SPHK1: variants seen among roughly 807,000 people sequenced by gnomAD.
The protein encoded by SPHK1 is SK 1.
In SPHK1, 10 loss-of-function variants were observed where a neutral mutation model predicts 14.6. The observed-to-expected ratio is 0.68, with a 90% CI of 0.42 to 1.16. The LOEUF (loss-of-function observed/expected upper bound fraction) is 1.16, where lower values mean the gene tolerates loss of function less well. Ranked by LOEUF, SPHK1 falls within the 50% of genes most tolerant of loss-of-function variation. SPHK1 has a pLI of 0.00. For synonymous variants in SPHK1, 274 were observed against 224.0 expected, an observed-to-expected ratio of 1.22 and a Z score of -1.99; for missense variants, 553 against 525.4, an observed-to-expected ratio of 1.05 and a Z score of -0.51.
Position 76,385,795 on chromosome 17 carries a change from C to G in SPHK1, c.10+141C>G. On this transcript the variant is annotated intron_variant, in intron 2 of 5. Transcript: ENST00000592299. The surrounding 1 kb of genome is among the most constrained non-coding windows in gnomAD (Gnocchi z 5.3). Reference sequence around the variant, plus strand: ...TCACGAGGCCAGAAGCCGGCCGAATCTGAGCCAAGGAAGGGGGTGGCAGGG... The same window carrying G: ...TCACGAGGCCAGAAGCCGGCCGAATGTGAGCCAAGGAAGGGGGTGGCAGGG... 2 of 1,426,724 alleles carry G rather than the reference C, an allele frequency of 1.4e-6. No homozygotes were observed. Among genetic ancestry groups the G allele is most frequent in the African/African-American group, 2.8e-5 (2 of 71,140 alleles). The allele number at this position is 1,426,724 out of a possible 1,614,324, so 88.4% of individuals were successfully genotyped here. A position where few individuals can be genotyped will look rare whatever the true frequency, so the allele number is the denominator to read the frequency against.
rs2072000979 is a variant in SPHK1, at chr17:76,387,055, C to A, written c.624C>A (p.Gly208=). 9.9e-6 allele frequency: 16 copies of A among 1,613,546 alleles called. No individual in the cohort carries two copies. The East Asian group carries it at 1.8e-4, about 18-fold the overall frequency. ...LRLAALRTYR[G]RLAYLPVGRV... ...TGGCAGCCCTGCGCACCTACCGCGG[C>A]CGACTGGCCTACCTCCCTGTAGGAA... The change falls in exon 6 of 6, where the codon GGC becomes GGA. Residue 208 remains glycine (G), a synonymous_variant. Transcript: ENST00000592299. This position sits in a 1 kb window ranked among gnomAD's most constrained non-coding sequence, Gnocchi z 4.1.
Position 76,385,331 on chromosome 17 carries a change from A to T in SPHK1, c.-194-120A>T. The T allele has an allele frequency of 6.9e-7, 1 of 1,452,786 alleles. No homozygotes were observed. The allele number at this position is 1,452,786 out of a possible 1,614,324, so 90.0% of individuals were successfully genotyped here. ...GGCGCCCTCGGAGGCACCGGACCTC[A>T]GCTCTCTGGACTTCCCGGGAACCTG... On this transcript the variant is annotated intron_variant, in intron 1 of 5. Transcript: ENST00000592299. This position sits in a 1 kb window ranked among gnomAD's most constrained non-coding sequence, Gnocchi z 5.3.
rs766665436 is a variant in SPHK1 at position 76,385,948 on chromosome 17, G to T, written c.11-37G>T. Reference sequence around the variant, plus strand: ...TGTTACCCGTGGCCCCCTAGTGGTCGGTTGCGGACGTGGCCTCTTTGGTTT... The same window carrying T: ...TGTTACCCGTGGCCCCCTAGTGGTCTGTTGCGGACGTGGCCTCTTTGGTTT... On this transcript the variant is annotated intron_variant, in intron 2 of 5. Coordinates refer to ENST00000592299, the MANE Select transcript of SPHK1 (RefSeq NM_001142601.2). This position sits in a 1 kb window ranked among gnomAD's most constrained non-coding sequence, Gnocchi z 5.3. The T allele has an allele frequency of 3.2e-6, 5 of 1,569,884 alleles. No individual in the cohort carries two copies. The highest frequency in any genetic ancestry group is 4.3e-6 in the Non-Finnish European group (5 of 1,155,512).
Position 76,386,973 on chromosome 17 carries a change from G to C in SPHK1, c.542G>C (p.Ser181Thr). ...WGFIADVDLE[S>T]EKYRRLGEMR... ...TTCATTGCTGATGTGGACCTAGAGA[G>C]TGAGAAGTATCGGCGTCTGGGGGAG... The change falls in exon 6 of 6, where the codon AGT becomes ACT. Residue 181 changes from serine (S) to threonine (T), a missense_variant. Ser to Thr is a moderately conservative substitution (Grantham distance 58). Coordinates refer to ENST00000592299, the MANE Select transcript of SPHK1 (RefSeq NM_001142601.2). The surrounding 1 kb of genome is among the most constrained non-coding windows in gnomAD (Gnocchi z 5.3). 1 of 1,613,678 alleles carries C rather than the reference G, an allele frequency of 6.2e-7. No homozygotes were observed. The highest frequency in any genetic ancestry group is 1.3e-5 in the African/African-American group (1 of 75,052).
At chr17:76,384,266 T>C (rs1359027342), upstream of SPHK1, 1 of 151,858 alleles carries the variant, frequency 6.6e-6, no homozygotes, top group Non-Finnish European at 1.5e-5. Context: ...CGACACGAGT[T>C]CGCGCGGAGC....
upstream of SPHK1, chr17:76,384,583 G>C (rs1411852726): frequency 6.6e-6 from 1 of 151,782 alleles, no homozygotes; most frequent in Non-Finnish European, 1.5e-5. Context: ...GGAGCGCGGG[G>C]CGGAGCCAGG....
At position 76,385,660 on chromosome 17, in the gene SPHK1, T is replaced by TG. The variant is rs1417119604; in HGVS notation, c.10+10dup. 5.2e-6 allele frequency: 8 copies of TG among 1,534,726 alleles called. No individual in the cohort carries two copies. The highest frequency in any genetic ancestry group is 7.0e-6 in the Non-Finnish European group (8 of 1,145,592). On this transcript the variant is annotated splice_region_variant and intron_variant, in intron 2 of 5. Coordinates refer to ENST00000592299, the MANE Select transcript of SPHK1 (RefSeq NM_001142601.2). The surrounding 1 kb of genome is among the most constrained non-coding windows in gnomAD (Gnocchi z 5.3). ...GGTCGAGGTTATGGATCCAGGTTTGTGGGGTTCCTGCTGGGAAGGGCTGTA... is the reference window on the plus strand; with the variant it reads ...GGTCGAGGTTATGGATCCAGGTTTGTGGGGGTTCCTGCTGGGAAGGGCTGTA...
chr17:76,387,735 G>A lies in SPHK1; in HGVS notation c.*149G>A. On this transcript the variant is annotated 3_prime_UTR_variant, in exon 6 of 6. Transcript: ENST00000592299. This position sits in a 1 kb window ranked among gnomAD's most constrained non-coding sequence, Gnocchi z 4.1. ...TGGAGGCTATGCTTTGGGGGGACAGGCCAGAATGAAGTCCTGGGTCAGGAG... is the reference window on the plus strand; with the variant it reads ...TGGAGGCTATGCTTTGGGGGGACAGACCAGAATGAAGTCCTGGGTCAGGAG... The A allele has an allele frequency of 1.0e-6, 1 of 966,318 alleles. No individual in the cohort carries two copies. The highest frequency in any genetic ancestry group is 1.5e-6 in the Non-Finnish European group (1 of 679,452). The allele number at this position is 966,318 out of a possible 1,614,324, so 59.9% of individuals were successfully genotyped here. A position where few individuals can be genotyped will look rare whatever the true frequency, so the allele number is the denominator to read the frequency against.
At position 76,385,773 on chromosome 17, in the gene SPHK1, C is replaced by A. The variant is rs570969878; in HGVS notation, c.10+119C>A. ...CGATCGGGAGAAACATTATCCCTCA[C>A]GAGGCCAGAAGCCGGCCGAATCTGA... On this transcript the variant is annotated intron_variant, in intron 2 of 5. Transcript: ENST00000592299. This position sits in a 1 kb window ranked among gnomAD's most constrained non-coding sequence, Gnocchi z 5.3. The A allele has an allele frequency of 7.0e-7, 1 of 1,421,648 alleles. No individual in the cohort carries two copies. Among genetic ancestry groups the A allele is most frequent in the African/African-American group, 1.4e-5 (1 of 70,974 alleles). The allele number at this position is 1,421,648 out of a possible 1,614,324, so 88.1% of individuals were successfully genotyped here. A position where few individuals can be genotyped will look rare whatever the true frequency, so the allele number is the denominator to read the frequency against.
In SPHK1 at chr17:76,385,951, T is replaced by G. The variant is rs1432986375; in HGVS notation, c.11-34T>G. 4 of 1,575,240 alleles carry G rather than the reference T, an allele frequency of 2.5e-6. No homozygotes were observed. Among genetic ancestry groups the G allele is most frequent in the Non-Finnish European group, 3.5e-6 (4 of 1,158,062 alleles). ...TACCCGTGGCCCCCTAGTGGTCGGT[T>G]GCGGACGTGGCCTCTTTGGTTTTGT... On this transcript the variant is annotated intron_variant, in intron 2 of 5. Transcript: ENST00000592299. The surrounding 1 kb of genome is among the most constrained non-coding windows in gnomAD (Gnocchi z 5.3).
chr17:76,387,664 GCTC>G lies in SPHK1; in HGVS notation c.*81_*83del. The G allele has an allele frequency of 6.9e-7, 1 of 1,440,848 alleles. No homozygotes were observed. Among genetic ancestry groups the G allele is most frequent in the Non-Finnish European group, 9.2e-7 (1 of 1,081,538 alleles). 89.3% of individuals were successfully genotyped at this position (1,440,848 alleles called of 1,614,324 possible). On this transcript the variant is annotated 3_prime_UTR_variant, in exon 6 of 6. Transcript: ENST00000592299. The surrounding 1 kb of genome is among the most constrained non-coding windows in gnomAD (Gnocchi z 4.1). ...CCTAGGGCTGCAGGGCCTGTCCACA[GCTC>G]CTGTGGGGGTGGAGGAGACTCCTCT... is the stretch of plus-strand genomic sequence containing the variant.
In SPHK1 at chr17:76,387,658, T is replaced by C. The variant is rs538029728; in HGVS notation, c.*72T>C. 33 of 1,463,722 alleles carry C rather than the reference T, an allele frequency of 2.3e-5. No individual in the cohort carries two copies. The Admixed American group carries it at 5.2e-4, about 23-fold the overall frequency. 90.7% of individuals were successfully genotyped at this position (1,463,722 alleles called of 1,614,324 possible). A position where few individuals can be genotyped will look rare whatever the true frequency, so the allele number is the denominator to read the frequency against. On this transcript the variant is annotated 3_prime_UTR_variant, in exon 6 of 6. Coordinates refer to ENST00000592299, the MANE Select transcript of SPHK1 (RefSeq NM_001142601.2). This position sits in a 1 kb window ranked among gnomAD's most constrained non-coding sequence, Gnocchi z 4.1. ...TCCTTCCCTAGGGCTGCAGGGCCTG[T>C]CCACAGCTCCTGTGGGGGTGGAGGA...
chr17:76,386,684 A>G lies in SPHK1; in HGVS notation c.375-122A>G. 1.6e-6 allele frequency: 2 copies of G among 1,263,040 alleles called. No individual in the cohort carries two copies. Among genetic ancestry groups the G allele is most frequent in the Non-Finnish European group, 2.2e-6 (2 of 918,658 alleles). The allele number at this position is 1,263,040 out of a possible 1,614,324, so 78.2% of individuals were successfully genotyped here. ...CTTCCATTTGCTCCATCTGTCACCT[A>G]CCAGTCCTGCCAACTCCCCAGGGAC... On this transcript the variant is annotated intron_variant, in intron 5 of 5. Transcript: ENST00000592299. This position sits in a 1 kb window ranked among gnomAD's most constrained non-coding sequence, Gnocchi z 5.3.
rs2071982454 is a variant in SPHK1, at chr17:76,386,338, A to T, written c.258+23A>T. 1.0e-5 allele frequency: 16 copies of T among 1,606,118 alleles called. No individual in the cohort carries two copies. In the East Asian group the frequency reaches 3.6e-4, roughly 36 times the overall value. On this transcript the variant is annotated intron_variant, in intron 4 of 5. Transcript: ENST00000592299. This position sits in a 1 kb window ranked among gnomAD's most constrained non-coding sequence, Gnocchi z 5.3. ...GAGGTGAGGACCGCACTGCGCGGCT[A>T]GGCCTGGGGCTTGGCGCGGTGCGTC...
chr17:76,386,325 G>T lies in SPHK1; in HGVS notation c.258+10G>T, dbSNP rs1205565274. 2.5e-6 allele frequency: 4 copies of T among 1,605,336 alleles called. No individual in the cohort carries two copies. Among genetic ancestry groups the T allele is most frequent in the Non-Finnish European group, 2.5e-6 (3 of 1,177,968 alleles). On this transcript the variant is annotated intron_variant, in intron 4 of 5. Transcript: ENST00000592299. This position sits in a 1 kb window ranked among gnomAD's most constrained non-coding sequence, Gnocchi z 5.3. ...CGGGCTGATGCACGAGGTGAGGACC[G>T]CACTGCGCGGCTAGGCCTGGGGCTT...
At position 76,385,160 on chromosome 17, in the gene SPHK1, G is replaced by A. The variant is rs868749723; in HGVS notation, c.-194-291G>A. On this transcript the variant is annotated intron_variant, in intron 1 of 5. Transcript: ENST00000592299. This position sits in a 1 kb window ranked among gnomAD's most constrained non-coding sequence, Gnocchi z 5.3. Reference sequence around the variant, plus strand: ...CAGCTGGACTCCCCTCCCCCTGGCAGCCCCGAGGGGTGAGGAGCTAGTCCG... The same window carrying A: ...CAGCTGGACTCCCCTCCCCCTGGCAACCCCGAGGGGTGAGGAGCTAGTCCG... 20 of 1,594,140 alleles carry A rather than the reference G, an allele frequency of 1.3e-5. No individual in the cohort carries two copies. The highest frequency in any genetic ancestry group is 2.7e-5 in the African/African-American group (2 of 74,702).
At chr17:76,383,827 G>T (rs2071910406), upstream of SPHK1, 3 of 1,286,762 alleles carry the variant, frequency 2.3e-6, no homozygotes, top group Non-Finnish European at 3.0e-6. Flanking sequence ...CTGAGCCAGA[G>T]GGGGCGGGGG....
Position 76,387,490 on chromosome 17 carries a change from GGT to G in SPHK1, c.1061_1062del (p.Val354AlafsTer84). On this transcript the variant is annotated frameshift_variant, in exon 6 of 6. Coordinates refer to ENST00000592299, the MANE Select transcript of SPHK1 (RefSeq NM_001142601.2). LOFTEE classifies it low-confidence loss of function (END_TRUNC). The surrounding 1 kb of genome is among the most constrained non-coding windows in gnomAD (Gnocchi z 4.1). ...LMVSEAVQGQ[V>X]HPNYFWMVSG... Reference sequence around the variant, plus strand: ...TGGTTAGCGAGGCCGTGCAGGGCCAGGTGCACCCAAACTACTTCTGGATGGTC... The same window carrying G: ...TGGTTAGCGAGGCCGTGCAGGGCCAGGCACCCAAACTACTTCTGGATGGTC... The G allele has an allele frequency of 6.2e-7, 1 of 1,613,290 alleles. No homozygotes were observed. The highest frequency in any genetic ancestry group is 8.5e-7 in the Non-Finnish European group (1 of 1,179,958).
chr17:76,386,987 C>A lies in SPHK1; in HGVS notation c.556C>A (p.Arg186Ser). Residue 186 changes from arginine (R) to serine (S), a missense_variant, in exon 6 of 6, where the codon CGT becomes AGT. Physicochemically the swap from Arg to Ser is moderately radical, Grantham distance 110 (BLOSUM62 -1). Transcript: ENST00000592299. This position sits in a 1 kb window ranked among gnomAD's most constrained non-coding sequence, Gnocchi z 5.3. ...GGACCTAGAGAGTGAGAAGTATCGG[C>A]GTCTGGGGGAGATGCGCTTCACTCT... ...DVDLESEKYR[R>S]LGEMRFTLGT... is the part of the protein sequence containing the mutation. 1 of 1,613,568 alleles carries A rather than the reference C, an allele frequency of 6.2e-7. No homozygotes were observed. Among genetic ancestry groups the A allele is most frequent in the Non-Finnish European group, 8.5e-7 (1 of 1,179,892 alleles).
Sources: gnomAD v4.1 joint callset for allele counts on GRCh38, gnomAD v4.1.1 for gene constraint, Gnocchi (gnomAD v3.1) non-coding constraint, MANE v1.5 for transcripts, NCBI Gene and HGNC (gene_info 2026-07-23, HGNC 2026-07-21) for gene names.